Variants in WWOX observed in about 807,000 individuals in gnomAD.
WWOX encodes the protein WW domain-containing oxidoreductase.
WWOX carries 69 observed loss-of-function variants against 46.2 expected under a neutral mutation model. The observed-to-expected ratio is 1.49, with a 90% CI of 1.23 to 1.82. The LOEUF is 1.82. WWOX is among the 40% of genes most tolerant of loss of function. The pLI, the probability that WWOX is intolerant of heterozygous loss-of-function variation, is 0.00. For missense variants in WWOX, 919 were observed against 542.6 expected, an observed-to-expected ratio of 1.69 and a Z score of -6.89; for synonymous variants, 359 against 202.6, an observed-to-expected ratio of 1.77 and a Z score of -6.56.
chr16:79,189,300 C>T (rs917582438), intron 8 of WWOX, among the ~76,000 whole-genome samples: 3 of 151,892 alleles, frequency 2.0e-5, no homozygotes, highest in Non-Finnish European at 2.9e-5. Context: ...CTTTGTCACC[C>T]AGGCTGGAGT....
chr16:78,770,370 C>G (rs1018431586), intron 8 of WWOX, among the ~76,000 whole-genome samples: 3 of 151,920 alleles, frequency 2.0e-5, no homozygotes, highest in African/African-American at 7.3e-5. Context: ...AAAAATTTAA[C>G]TCTAAAGAAT....
chr16:78,863,472 A>G (rs1309136696), intron 8 of WWOX, among the ~76,000 whole-genome samples: 1 of 152,206 alleles, frequency 6.6e-6, no homozygotes, highest in Admixed American at 6.5e-5. Flanking sequence ...CTTGTCTTTC[A>G]TCAGAGAGTC....
chr16:78,564,727 C>G (rs1367634766), intron 8 of WWOX, among the ~76,000 whole-genome samples: 2 of 152,160 alleles, frequency 1.3e-5, no homozygotes, highest in African/African-American at 2.4e-5. Flanking sequence ...AGTCATACAA[C>G]CATATGGTAC....
chr16:78,217,959 A>T (rs544826262), intron 5 of WWOX, among the ~76,000 whole-genome samples: 3 of 152,194 alleles, frequency 2.0e-5, no homozygotes, highest in Non-Finnish European at 4.4e-5. Flanking sequence ...GTATTTATGC[A>T]GCAGCCTCCT....
intron 1 of WWOX, among the ~76,000 whole-genome samples, chr16:78,104,231 A>AACACACACACACACACACACACACAC (rs376622174): frequency 2.5e-4 from 32 of 130,222 alleles, no homozygotes; most frequent in East Asian, 7.0e-4. Context: ...CTGTGCTCAA[A>AACACACACACACACACACACACACAC]ACACACACAC....
chr16:78,782,146 C>T (rs1207113661), intron 8 of WWOX, among the ~76,000 whole-genome samples: 1 of 152,096 alleles, frequency 6.6e-6, no homozygotes, highest in Non-Finnish European at 1.5e-5. Context: ...TTAATTTCCC[C>T]CTCCAGCCTT....
chr16:78,244,768 A>G (rs1279543787), intron 5 of WWOX, among the ~76,000 whole-genome samples: 1 of 152,206 alleles, frequency 6.6e-6, no homozygotes, highest in Non-Finnish European at 1.5e-5. Flanking sequence ...CGGGCCCGAA[A>G]TGTACAGCCC....
chr16:78,266,834 C>G (rs968257479), intron 5 of WWOX, among the ~76,000 whole-genome samples: 1 of 151,042 alleles, frequency 6.6e-6, no homozygotes. Flanking sequence ...CTGTCTCCCT[C>G]TCTCCCCCTC....
intron 8 of WWOX, among the ~76,000 whole-genome samples, chr16:78,504,721 G>T (rs990203569): frequency 6.6e-6 from 1 of 152,112 alleles, no homozygotes; most frequent in Non-Finnish European, 1.5e-5. Context: ...AATTGCAAAA[G>T]TGAGGCTGGT....
chr16:78,363,790 C>A (rs1007712753), intron 5 of WWOX, among the ~76,000 whole-genome samples: 1 of 152,306 alleles, frequency 6.6e-6, no homozygotes, highest in East Asian at 1.9e-4. Flanking sequence ...CTCCAGCTTA[C>A]AGCGGAGACA....
At position 78,425,004 on chromosome 16, in the gene WWOX, T is replaced by C; in HGVS notation, c.740T>C (p.Leu247Ser). The stretch of plus-strand genomic sequence containing the variant: ...CTTGTCCAGCTCCTCCAGGATGTTT[T>C]GTGCCGCTCAGCTCCTGCCCGTGTC... ...FYLVQLLQDV[L>S]CRSAPARVIV... is the part of the protein sequence containing the mutation. Residue 247 changes from leucine (L) to serine (S), a missense_variant, in exon 7 of 9, where the codon TTG (leucine) becomes TCG (serine). Coordinates refer to ENST00000566780, the MANE Select transcript of WWOX (RefSeq NM_016373.4). 3 of 1,614,160 alleles carry C rather than the reference T, an allele frequency of 1.9e-6. No homozygotes were observed. Among genetic ancestry groups the C allele is most frequent in the Non-Finnish European group, 2.5e-6 (3 of 1,180,032 alleles).
At chr16:78,611,231 CTT>C (rs974671113) in intron 8 of WWOX, among the ~76,000 whole-genome samples, 46 of 152,240 alleles carry the variant, frequency 3.0e-4, no homozygotes, top group African/African-American at 1.0e-3. Flanking sequence ...TTTCGTGAGA[CTT>C]TTGGTGAAAG....
intron 8 of WWOX, among the ~76,000 whole-genome samples, chr16:78,617,473 G>A (rs192288358): frequency 6.3e-4 from 96 of 151,546 alleles, no homozygotes; most frequent in African/African-American, 2.1e-3. Flanking sequence ...GAAATTGATC[G>A]TTCATTCACA....
At chr16:78,569,209 A>T (rs1396031909) in intron 8 of WWOX, among the ~76,000 whole-genome samples, 1 of 152,228 alleles carries the variant, frequency 6.6e-6, no homozygotes, top group Non-Finnish European at 1.5e-5. Flanking sequence ...ACTGTTTCCC[A>T]CTGAGAAGAA....
chr16:78,627,739 TAACTC>T (rs1409861658), intron 8 of WWOX, among the ~76,000 whole-genome samples: 1 of 152,214 alleles, frequency 6.6e-6, no homozygotes, highest in Non-Finnish European at 1.5e-5. Flanking sequence ...GCACCTATGT[TAACTC>T]TATTTCATTT....
At chr16:78,986,687 G>T (rs1339864353) in intron 8 of WWOX, among the ~76,000 whole-genome samples, 1 of 152,198 alleles carries the variant, frequency 6.6e-6, no homozygotes, top group Non-Finnish European at 1.5e-5. Flanking sequence ...TTAATAGAGT[G>T]TTCTGGGAGG....
At chr16:79,131,454 C>G (rs981771865) in intron 8 of WWOX, among the ~76,000 whole-genome samples, 1 of 152,020 alleles carries the variant, frequency 6.6e-6, no homozygotes, top group Non-Finnish European at 1.5e-5. Context: ...TTAGATCTAT[C>G]ACATACTCTT....
intron 5 of WWOX, among the ~76,000 whole-genome samples, chr16:78,337,893 C>G (rs2080930395): frequency 8.3e-6 from 1 of 120,282 alleles, no homozygotes. Flanking sequence ...GAAGCGCCCT[C>G]TCTGTTCCTG....
intron 8 of WWOX, among the ~76,000 whole-genome samples, chr16:78,669,778 T>A (rs2047417332): frequency 6.6e-6 from 1 of 152,214 alleles, no homozygotes; most frequent in South Asian, 2.1e-4. Context: ...GCATCCCACA[T>A]GGCACCCCTA....
Sources: gnomAD v4.1 joint callset for allele counts (sites outside exome capture counted in the v4.1 genomes callset) on GRCh38, gnomAD v4.1.1 for gene constraint, MANE v1.5 for transcripts, NCBI Gene and HGNC (gene_info 2026-07-23, HGNC 2026-07-21) for gene names.